The following SULT1B1 variants were observed in gnomAD, a reference collection of about 807,000 sequenced individuals.
SULT1B1 encodes the protein sulfotransferase 1B1.
Under a neutral mutation model 34.6 loss-of-function variants are expected in SULT1B1, and 28 were observed. That is an observed-to-expected ratio of 0.81 (90% confidence interval 0.60 to 1.11). The LOEUF (loss-of-function observed/expected upper bound fraction) is 1.11, where lower values mean the gene tolerates loss of function less well. Ranked by LOEUF, SULT1B1 falls within the 50% of genes least tolerant of loss-of-function variation. The probability of loss-of-function intolerance (pLI) is 0.00; values close to 1 mark genes in which losing one functional copy is unlikely to be tolerated. For missense variants in SULT1B1, 374 were observed against 352.2 expected (o/e 1.06, Z -0.50); for synonymous variants, 147 against 110.2 (o/e 1.33, Z -2.09).
intron 4 of SULT1B1, 34 bp downstream of exon 4, chr4:69,749,687 A>G: frequency 6.8e-7 from 1 of 1,471,426 alleles, no homozygotes; most frequent in Non-Finnish European, 9.5e-7. Flanking sequence ...GGATAGGGCC[A>G]TACTAAAAAA....
Position 69,737,261 on chromosome 4 carries a change from C to T in SULT1B1, c.376-2997G>A, listed in dbSNP as rs72648431. 3.1e-3 allele frequency among the ~76,000 whole-genome samples: 466 copies of T among 152,124 alleles called. 3 individuals are homozygous for T. The highest frequency in any genetic ancestry group is 5.9e-3 in the Admixed American group (91 of 15,296). On this transcript the variant is annotated intron_variant, in intron 4 of 7. Coordinates refer to ENST00000310613, the MANE Select transcript of SULT1B1 (RefSeq NM_014465.4). ...ATCCTGTATCCAGTAAAACTGTTCT[C>T]ACTCAAGAAGGGAAAAAAGACATTC... is the stretch of plus-strand genomic sequence containing the variant.
rs1309990404 is a variant in SULT1B1 at position 69,755,135 on chromosome 4, C to T, written c.83G>A (p.Trp28Ter). The change falls in exon 2 of 8, where the codon TGG (tryptophan) becomes TAG (stop). Residue 28 changes from tryptophan (W) to a stop codon, truncating the protein, a stop_gained. Coordinates refer to ENST00000310613, the MANE Select transcript of SULT1B1 (RefSeq NM_014465.4). LOFTEE classifies it high-confidence loss of function. ...GCTATGGAACTGTTCAATTTTTTCC[C>T]AGTTGCTTGCAAAAGCACAGGTCAT... ...YPMTCAFASNWEKIEQFHSRP... is the reference protein window; with the variant it reads ...YPMTCAFASN The T allele has an allele frequency of 6.2e-7, 1 of 1,613,848 alleles. No individual in the cohort carries two copies. The highest frequency in any genetic ancestry group is 8.5e-7 in the Non-Finnish European group (1 of 1,179,868).
At chr4:69,739,301 G>A (rs1718445911) in intron 4 of SULT1B1, among the ~76,000 whole-genome samples, 3 of 152,214 alleles carry the variant, frequency 2.0e-5, no homozygotes, top group Admixed American at 2.0e-4. Context: ...CGCCCATGAA[G>A]CACACCTCTG....
At chr4:69,750,033 T>C (rs545758615) in intron 3 of SULT1B1, among the ~76,000 whole-genome samples, 20 of 152,294 alleles carry the variant, frequency 1.3e-4, no homozygotes, top group Admixed American at 6.5e-4. Context: ...GTTCAAATGC[T>C]AACTCTATCA....
chr4:69,728,770 A>G (rs1297436614), intron 7 of SULT1B1, among the ~76,000 whole-genome samples: 7 of 152,162 alleles, frequency 4.6e-5, no homozygotes, highest in African/African-American at 1.7e-4. Context: ...ATAATTTACC[A>G]TAATCCTCCC....
chr4:69,726,926 A>C lies in SULT1B1; in HGVS notation c.*162T>G. The C allele has an allele frequency of 2.0e-6, 1 of 493,936 alleles. No individual in the cohort carries two copies. Among genetic ancestry groups the C allele is most frequent in the East Asian group, 3.5e-5 (1 of 28,418 alleles). 30.6% of individuals were successfully genotyped at this position (493,936 alleles called of 1,614,324 possible). A position where few individuals can be genotyped will look rare whatever the true frequency, so the allele number is the denominator to read the frequency against. On this transcript the variant is annotated 3_prime_UTR_variant, in exon 8 of 8. Transcript: ENST00000310613. ...TTTGGAAACTCAGAATCAAAGGAAC[A>C]AAACTGGGATCTGATTAATAACATT... is the stretch of plus-strand genomic sequence containing the variant.
At chr4:69,754,560 A>G (rs1315888689) in intron 3 of SULT1B1, 110 bp downstream of exon 3, 13 of 1,143,514 alleles carry the variant, frequency 1.1e-5, no homozygotes, top group Admixed American at 2.5e-5. Flanking sequence ...GCCACCTTCC[A>G]TTTTATGTCA....
intron 1 of SULT1B1, 22 bp downstream of exon 1, chr4:69,760,437 G>C (rs1719348894): frequency 6.5e-6 from 1 of 154,750 alleles, no homozygotes; most frequent in Non-Finnish European, 1.4e-5. Flanking sequence ...TTCAAGGAAA[G>C]AAATTGAAAA....
chr4:69,743,956 GTGCTCCTGCC>G (rs1289634681), intron 4 of SULT1B1, among the ~76,000 whole-genome samples: 1 of 152,170 alleles, frequency 6.6e-6, no homozygotes, highest in African/African-American at 2.4e-5. Context: ...CAGGAAGGCA[GTGCTCCTGCC>G]TGCTCCTGGC....
chr4:69,727,557 C>A (rs1047066721), intron 7 of SULT1B1, among the ~76,000 whole-genome samples: 6 of 149,256 alleles, frequency 4.0e-5, no homozygotes, highest in Admixed American at 2.7e-4. Flanking sequence ...GCACTTGGAT[C>A]AATAGTCAGG....
Position 69,730,637 on chromosome 4 carries a change from C to T in SULT1B1, c.642G>A (p.Lys214=). ...TATCCAAGATCTCATCATTCAGGTT[C>T]TTCTCTAGAAATCTAATGATCTTCT... ...EIKKIIRFLE[K]NLNDEILDRI... Residue 214 remains lysine (K), a synonymous_variant, in exon 7 of 8, where the codon AAG becomes AAA. Coordinates refer to ENST00000310613, the MANE Select transcript of SULT1B1 (RefSeq NM_014465.4). 5 of 1,613,024 alleles carry T rather than the reference C, an allele frequency of 3.1e-6. No homozygotes were observed. The highest frequency in any genetic ancestry group is 4.2e-6 in the Non-Finnish European group (5 of 1,179,672).
Position 69,727,161 on chromosome 4 carries a change from T to G in SULT1B1, c.818A>C (p.Gln273Pro). 2 of 1,611,902 alleles carry G rather than the reference T, an allele frequency of 1.2e-6. No homozygotes were observed. The highest frequency in any genetic ancestry group is 8.5e-7 in the Non-Finnish European group (1 of 1,178,782). The change falls in exon 8 of 8, where the codon CAA (glutamine) becomes CCA (proline). Residue 273 changes from glutamine to proline, a missense_variant. Coordinates refer to ENST00000310613, the MANE Select transcript of SULT1B1 (RefSeq NM_014465.4). ...GDWKNYFTVAQNEKFDAIYET... is the reference protein window; with the variant it reads ...GDWKNYFTVAPNEKFDAIYET... ...ATAAATAGCATCAAATTTCTCATTT[T>G]GGGCCACGGTGAAGTAATTCTTCCA... is the stretch of plus-strand genomic sequence containing the variant.
intron 4 of SULT1B1, 53 bp downstream of exon 4, chr4:69,749,668 T>C: frequency 8.0e-7 from 1 of 1,243,400 alleles, no homozygotes; most frequent in Non-Finnish European, 1.2e-6. Context: ...ACTATGTGAG[T>C]GGGTAAAGGG....
Position 69,723,030 on chromosome 4 carries a change from A to C in SULT1B1, c.*4058T>G, listed in dbSNP as rs1030358075. ...AAGCTGGAGTTAAGATCAGAGCATA[A>C]CTGAAGGAGACAAAGACACAAAAAC... is the stretch of plus-strand genomic sequence containing the variant. On this transcript the variant is annotated 3_prime_UTR_variant, in exon 8 of 8. Coordinates refer to ENST00000310613, the MANE Select transcript of SULT1B1 (RefSeq NM_014465.4). 6.6e-6 allele frequency: 1 copy of C among 152,164 alleles called. No individual in the cohort carries two copies. The allele number at this position is 152,164 out of a possible 1,614,324, so 9.4% of individuals were successfully genotyped here. A position where few individuals can be genotyped will look rare whatever the true frequency, so the allele number is the denominator to read the frequency against.
intron 7 of SULT1B1, 100 bp from the exon 8 acceptor site, chr4:69,727,300 T>C: frequency 1.8e-5 from 12 of 661,860 alleles, no homozygotes; most frequent in South Asian, 6.5e-5. Flanking sequence ...AAGAAAGACC[T>C]TCCTTTTATT....
chr4:69,734,722 T>C (rs560675438), intron 4 of SULT1B1, among the ~76,000 whole-genome samples: 112 of 151,446 alleles, frequency 7.4e-4, no homozygotes, highest in African/African-American at 2.3e-3. Context: ...TAAAAATATA[T>C]AGAAAGGAAA....
chr4:69,758,644 T>C (rs952021014), intron 1 of SULT1B1, among the ~76,000 whole-genome samples: 3 of 152,166 alleles, frequency 2.0e-5, no homozygotes, highest in Admixed American at 6.5e-5. Flanking sequence ...ACACATATTA[T>C]GCAAAAGTGA....
chr4:69,741,230 TG>T (rs1718538488), intron 4 of SULT1B1, among the ~76,000 whole-genome samples: 1 of 152,236 alleles, frequency 6.6e-6, no homozygotes, highest in African/African-American at 2.4e-5. Flanking sequence ...CTCTCTAACC[TG>T]TTCCATTGGT....
intron 4 of SULT1B1, among the ~76,000 whole-genome samples, chr4:69,749,278 G>C (rs537591816): frequency 2.0e-5 from 3 of 152,082 alleles, no homozygotes; most frequent in African/African-American, 7.2e-5. Context: ...ATTGTCAAAA[G>C]TCAGATAAGA....
Sources: allele counts gnomAD v4.1 joint callset (sites outside exome capture counted in the v4.1 genomes callset), GRCh38; gene constraint gnomAD v4.1.1; transcripts MANE v1.5; gene names NCBI Gene and HGNC (gene_info 2026-07-23, HGNC 2026-07-21).